Variants in CEACAM18 observed in about 807,000 individuals in gnomAD.
The protein encoded by CEACAM18 is cell adhesion molecule CEACAM18.
CEACAM18 carries 33 observed loss-of-function variants against 34.3 expected under a neutral mutation model. The ratio of observed to expected loss-of-function variants is 0.96; its 90% CI spans 0.73 to 1.29. The LOEUF (loss-of-function observed/expected upper bound fraction) is 1.29, where lower values mean the gene tolerates loss of function less well. Among genes scored for constraint, CEACAM18 ranks in the 50% most tolerant of loss-of-function variants. The pLI is 0.00. For missense variants in CEACAM18, 474 were observed against 485.0 expected (o/e 0.98, Z 0.21); for synonymous variants, 169 against 180.9 (o/e 0.93, Z 0.53).
In CEACAM18 at chr19:51,483,188, A is replaced by AC; in HGVS notation, c.847dup (p.Leu283ProfsTer36). ...CTGAACTTCTCAGATGCAAAGATGAACCTCTCGAGTCTTGCCTGGGAGCAG... is the reference window on the plus strand; with the variant it reads ...CTGAACTTCTCAGATGCAAAGATGAACCCTCTCGAGTCTTGCCTGGGAGCAG... On this transcript the variant is annotated frameshift_variant, in exon 4 of 6. Transcript: ENST00000396477. LOFTEE classifies it high-confidence loss of function. 6.2e-7 allele frequency: 1 copy of AC among 1,613,840 alleles called. No homozygotes were observed. Among genetic ancestry groups the AC allele is most frequent in the South Asian group, 1.1e-5 (1 of 91,070 alleles).
chr19:51,483,179 C>A (rs770777488), exon 4 of CEACAM18: 1 of 1,613,986 alleles, frequency 6.2e-7, no homozygotes, highest in Non-Finnish European at 8.5e-7. Flanking sequence ...TTCTCAGATG[C>A]AAAGATGAAC....
chr19:51,486,389 A>C (rs1013889809), intron 5 of CEACAM18, among the ~76,000 whole-genome samples: 2 of 152,116 alleles, frequency 1.3e-5, no homozygotes, highest in African/African-American at 4.8e-5. Flanking sequence ...CTGAGCCTTA[A>C]AAACAATCCT....
At chr19:51,486,299 A>C (rs922395230) in intron 5 of CEACAM18, among the ~76,000 whole-genome samples, 1 of 152,128 alleles carries the variant, frequency 6.6e-6, no homozygotes, top group African/African-American at 2.4e-5. Context: ...GACGGTAGCA[A>C]ATGCAGTGCT....
intron 4 of CEACAM18, among the ~76,000 whole-genome samples, chr19:51,484,600 A>C (rs1159801608): frequency 9.6e-6 from 1 of 104,514 alleles, no homozygotes; most frequent in Non-Finnish European, 2.3e-5. Flanking sequence ...ATTTGTCCTC[A>C]GTGCTTGGCA....
chr19:51,478,936 A>ACACATG (rs1989859173), intron 1 of CEACAM18, among the ~76,000 whole-genome samples: 1 of 145,830 alleles, frequency 6.9e-6, no homozygotes, highest in Non-Finnish European at 1.5e-5. Flanking sequence ...GGTGTTACAC[A>ACACATG]CACACGCACA....
At position 51,486,710 on chromosome 19, in the gene CEACAM18, C is replaced by CTTTTT. The variant is rs1327201659; in HGVS notation, c.1089+1591_1089+1592insTTTTT. Among the ~76,000 whole-genome samples the CTTTTT allele has an allele frequency of 8.2e-4, 118 of 144,420 alleles. 1 individual carries two copies. Among genetic ancestry groups the CTTTTT allele is most frequent in the Non-Finnish European group, 1.3e-3 (89 of 65,942 alleles). The allele number at this position is 144,420 out of a possible 152,430, so 94.7% of individuals were successfully genotyped here. The stretch of plus-strand genomic sequence containing the variant: ...TTTTCTTTTTTCTTTTTCTTTCTTT[C>CTTTTT]TTTCTTTTCTTTCTTTTTTTTTTTT... On this transcript the variant is annotated intron_variant, in intron 5 of 5. Transcript: ENST00000396477.
At chr19:51,481,953 A>C (rs1156714288) in intron 3 of CEACAM18, among the ~76,000 whole-genome samples, 2 of 152,212 alleles carry the variant, frequency 1.3e-5, no homozygotes, top group African/African-American at 4.8e-5. Flanking sequence ...TTTTGTGTAA[A>C]GAGGGGACTA....
chr19:51,485,743 C>G (rs1289033687), intron 5 of CEACAM18, among the ~76,000 whole-genome samples: 1 of 152,220 alleles, frequency 6.6e-6, no homozygotes, highest in Non-Finnish European at 1.5e-5. Flanking sequence ...GTTTCTCAAC[C>G]TCAGCACTAT....
intron 5 of CEACAM18, among the ~76,000 whole-genome samples, chr19:51,488,524 A>G (rs1319530273): frequency 6.6e-6 from 1 of 152,210 alleles, no homozygotes; most frequent in Non-Finnish European, 1.5e-5. Context: ...TAGGTTCAAT[A>G]TCTAAATACA....
At chr19:51,480,067 G>A (rs1401647167) in intron 1 of CEACAM18, among the ~76,000 whole-genome samples, 2 of 152,224 alleles carry the variant, frequency 1.3e-5, no homozygotes, top group South Asian at 4.2e-4. Context: ...TAACATTTAC[G>A]TAACTGTGAT....
chr19:51,485,467 A>G (rs1254684280), intron 5 of CEACAM18, among the ~76,000 whole-genome samples: 1 of 152,240 alleles, frequency 6.6e-6, no homozygotes, highest in Non-Finnish European at 1.5e-5. Flanking sequence ...CTTTGCTACC[A>G]AGTGAAGTTG....
Position 51,480,322 on chromosome 19 carries a change from G to T in CEACAM18, c.53-11G>T, listed in dbSNP as rs1278327546. 1.9e-6 allele frequency: 3 copies of T among 1,573,872 alleles called. No homozygotes were observed. Among genetic ancestry groups the T allele is most frequent in the Non-Finnish European group, 2.6e-6 (3 of 1,156,538 alleles). ...GAATTTCTCTCTGTCTTTTTTCCTT[G>T]TCTTCTTCAGCCAGTCTGCTGGCCT... On this transcript the variant is annotated splice_polypyrimidine_tract_variant and intron_variant, in intron 1 of 5. Transcript: ENST00000396477.
intron 5 of CEACAM18, among the ~76,000 whole-genome samples, chr19:51,485,868 A>AACC (rs1989991051): frequency 6.6e-6 from 1 of 152,202 alleles, no homozygotes; most frequent in Non-Finnish European, 1.5e-5. Flanking sequence ...TAGTGGTAAC[A>AACC]ACCACCACCA....
upstream of CEACAM18, chr19:51,478,544 C>A: frequency 9.0e-7 from 1 of 1,105,766 alleles, no homozygotes; most frequent in Non-Finnish European, 1.3e-6. Context: ...GAGACGAGAC[C>A]GGCAGCCTCT....
intron 5 of CEACAM18, among the ~76,000 whole-genome samples, chr19:51,487,425 G>A (rs937028912): frequency 6.6e-6 from 1 of 152,114 alleles, no homozygotes; most frequent in Non-Finnish European, 1.5e-5. Flanking sequence ...AGTGAGCCGA[G>A]ATCGTGCCAC....
At chr19:51,484,300 G>C (rs1246335666) in intron 4 of CEACAM18, among the ~76,000 whole-genome samples, 1 of 151,422 alleles carries the variant, frequency 6.6e-6, no homozygotes, top group East Asian at 1.9e-4. Flanking sequence ...AGATTCAGGA[G>C]GGCAGAAGCT....
At chr19:51,490,443 C>T (rs1990071851) in intron 5 of CEACAM18, 144 bp from the exon 6 acceptor site, 3 of 536,334 alleles carry the variant, frequency 5.6e-6, no homozygotes, top group African/African-American at 2.0e-5. Context: ...GCCCTCAGAC[C>T]ATCTCCTCCA....
At chr19:51,485,968 T>C (rs1599945218) in intron 5 of CEACAM18, among the ~76,000 whole-genome samples, 1 of 152,112 alleles carries the variant, frequency 6.6e-6, no homozygotes. Context: ...GTGGAGTAGA[T>C]GTTAGAAAGT....
intron 1 of CEACAM18, among the ~76,000 whole-genome samples, chr19:51,478,972 G>T (rs974697587): frequency 6.7e-6 from 1 of 150,046 alleles, no homozygotes; most frequent in African/African-American, 2.5e-5. Context: ...ACACACGCGC[G>T]CACACACAGA....
Sources: allele counts gnomAD v4.1 joint callset (sites outside exome capture counted in the v4.1 genomes callset), GRCh38; gene constraint gnomAD v4.1.1; transcripts MANE v1.5; gene names NCBI Gene and HGNC (gene_info 2026-07-23, HGNC 2026-07-21).